DCDC2C: variants seen among roughly 807,000 people sequenced by gnomAD.
DCDC2C encodes the protein doublecortin domain-containing protein 2C.
Under a neutral mutation model 45.0 loss-of-function variants are expected in DCDC2C, and 44 were observed. The ratio of observed to expected loss-of-function variants is 0.98; its 90% confidence interval spans 0.77 to 1.26. The LOEUF is 1.26. DCDC2C is among the 50% of genes most tolerant of loss of function. DCDC2C has a pLI of 0.00. For synonymous variants in DCDC2C, 187 were observed against 178.8 expected (o/e 1.05, Z -0.37); for missense variants, 447 against 468.9 (o/e 0.95, Z 0.43).
chr2:3,736,443 T>C (rs1669029585), intron 3 of DCDC2C, among the ~76,000 whole-genome samples: 1 of 152,170 alleles, frequency 6.6e-6, no homozygotes, highest in African/African-American at 2.4e-5. Context: ...GTGAGAAGCG[T>C]GGTGGAGTCC....
At chr2:3,740,673 G>A (rs915556651) in intron 3 of DCDC2C, among the ~76,000 whole-genome samples, 1 of 152,112 alleles carries the variant, frequency 6.6e-6, no homozygotes, top group African/African-American at 2.4e-5. Flanking sequence ...TAACTTGCAT[G>A]GAACATTTCT....
intron 10 of DCDC2C, among the ~76,000 whole-genome samples, chr2:3,843,626 A>C (rs1672264603): frequency 6.6e-6 from 1 of 152,342 alleles, no homozygotes. Context: ...CTGAGCTCCG[A>C]AAGTTGGTTC....
intron 6 of DCDC2C, among the ~76,000 whole-genome samples, chr2:3,755,214 TATG>T (rs1669658033): frequency 6.6e-6 from 1 of 151,212 alleles, no homozygotes; most frequent in Admixed American, 6.6e-5. Flanking sequence ...CATGGGTGCA[TATG>T]ATGTGTGCAT....
intron 10 of DCDC2C, among the ~76,000 whole-genome samples, chr2:3,799,974 C>A (rs1671071889): frequency 1.3e-5 from 2 of 152,224 alleles, no homozygotes; most frequent in South Asian, 4.1e-4. Context: ...AGCCTCGCTG[C>A]TGCCTTGCAG....
At chr2:3,806,709 A>AT (rs78484882) in intron 10 of DCDC2C, among the ~76,000 whole-genome samples, 85 of 147,614 alleles carry the variant, frequency 5.8e-4, no homozygotes, top group South Asian at 4.3e-3. Context: ...TGCCTGGCTA[A>AT]TTTTTTTTTT....
chr2:3,725,640 C>G (rs1190706898), intron 2 of DCDC2C, among the ~76,000 whole-genome samples: 4 of 146,100 alleles, frequency 2.7e-5, no homozygotes, highest in African/African-American at 1.0e-4. Flanking sequence ...ACGAGGATGG[C>G]CAGGTGGATC....
intron 10 of DCDC2C, among the ~76,000 whole-genome samples, chr2:3,843,996 T>G (rs1288619600): frequency 1.3e-5 from 2 of 152,212 alleles, no homozygotes; most frequent in Non-Finnish European, 2.9e-5. Context: ...TGTCTTTTTA[T>G]GATTTATTTC....
intron 2 of DCDC2C, among the ~76,000 whole-genome samples, chr2:3,717,969 G>A (rs1026655151): frequency 1.5e-4 from 23 of 152,196 alleles, no homozygotes; most frequent in Admixed American, 3.9e-4. Context: ...AGGGTCAGAT[G>A]TTCCTCTCCC....
chr2:3,754,559 T>C, intron 5 of DCDC2C, 33 bp from the exon 6 acceptor site: 2 of 1,547,320 alleles, frequency 1.3e-6, no homozygotes, highest in Admixed American at 4.0e-5. Context: ...GGCCGGGCTT[T>C]ACATTTCAAG....
At chr2:3,735,283 CTTTAAG>C (rs1186858124) in intron 3 of DCDC2C, among the ~76,000 whole-genome samples, 39 of 150,872 alleles carry the variant, frequency 2.6e-4, no homozygotes, top group African/African-American at 9.3e-4. Context: ...TATTATTATA[CTTTAAG>C]TTTTAGGGTA....
chr2:3,831,144 A>T (rs540094002), intron 10 of DCDC2C, among the ~76,000 whole-genome samples: 1 of 151,950 alleles, frequency 6.6e-6, no homozygotes, highest in Non-Finnish European at 1.5e-5. Flanking sequence ...AGCCGTAAAA[A>T]CTTGGGGTGG....
At chr2:3,844,589 A>G (rs1672283366) in intron 10 of DCDC2C, 3 of 152,300 alleles carry the variant, frequency 2.0e-5, no homozygotes, top group Non-Finnish European at 4.4e-5. Flanking sequence ...ACTAGAAAGG[A>G]TAGCAAGACA....
At chr2:3,730,018 G>C (rs1424250979) in intron 3 of DCDC2C, among the ~76,000 whole-genome samples, 5 of 152,166 alleles carry the variant, frequency 3.3e-5, no homozygotes, top group African/African-American at 9.6e-5. Flanking sequence ...TGTCATAAGG[G>C]GGACTTGAGG....
At chr2:3,752,499 A>G in intron 4 of DCDC2C, 1 of 508,838 alleles carries the variant, frequency 2.0e-6, no homozygotes, top group South Asian at 1.8e-5. Context: ...AGAGTGTAAC[A>G]TGGTTCTCAA....
chr2:3,779,049 C>A (rs906491496), intron 9 of DCDC2C, among the ~76,000 whole-genome samples, 165 bp downstream of exon 9: 1 of 152,160 alleles, frequency 6.6e-6, no homozygotes, highest in African/African-American at 2.4e-5. Flanking sequence ...GCCGTGGACA[C>A]GATCGGGTTT....
intron 4 of DCDC2C, among the ~76,000 whole-genome samples, chr2:3,749,819 G>A (rs1669485510): frequency 6.6e-6 from 1 of 152,142 alleles, no homozygotes; most frequent in Non-Finnish European, 1.5e-5. Context: ...TGAATGAAAA[G>A]CACACAACTT....
intron 3 of DCDC2C, 59 bp downstream of exon 3, chr2:3,727,138 A>G (rs932350561): frequency 7.2e-7 from 1 of 1,388,236 alleles, no homozygotes; most frequent in African/African-American, 1.4e-5. Context: ...TAAAAACAAT[A>G]CTTTCTATCC....
chr2:3,724,603 G>A (rs1009720298), intron 2 of DCDC2C, among the ~76,000 whole-genome samples: 1 of 152,206 alleles, frequency 6.6e-6, no homozygotes, highest in Non-Finnish European at 1.5e-5. Context: ...TTTACTCAAC[G>A]TGGGGTGATG....
chr2:3,739,995 A>AT (rs1669156770), intron 3 of DCDC2C, among the ~76,000 whole-genome samples: 1 of 152,202 alleles, frequency 6.6e-6, no homozygotes, highest in African/African-American at 2.4e-5. Context: ...CCACGCCCCC[A>AT]TTGCACGCTC....
Sources: allele counts gnomAD v4.1 joint callset (sites outside exome capture counted in the v4.1 genomes callset), GRCh38; gene constraint gnomAD v4.1.1; transcripts MANE v1.5; gene names NCBI Gene and HGNC (gene_info 2026-07-23, HGNC 2026-07-21).